IST1: variants seen among roughly 807,000 people sequenced by gnomAD.
IST1 encodes the protein IST1 homolog.
A neutral mutation model predicts 37.0 loss-of-function variants in IST1; 23 were observed. The observed-to-expected ratio is 0.62, with a 90% CI of 0.45 to 0.88. The LOEUF (loss-of-function observed/expected upper bound fraction) is 0.88. Ranked by LOEUF, IST1 falls within the 40% of genes least tolerant of loss-of-function variation. The pLI is 0.00. For missense variants in IST1, 488 were observed against 445.4 expected (o/e 1.10, Z -0.86); for synonymous variants, 180 against 161.7 (o/e 1.11, Z -0.86).
intron 1 of IST1, among the ~76,000 whole-genome samples, chr16:71,897,129 C>T (rs8063403): frequency 0.72 from 107,760 of 149,172 alleles, 39,607 homozygotes; most frequent in East Asian, 0.98. Context: ...TCCTCCCGCC[C>T]CAGCCTTGGG....
chr16:71,921,075 A>AG (rs1042714026), intron 5 of IST1: 3 of 603,388 alleles, frequency 5.0e-6, no homozygotes, highest in Non-Finnish European at 8.9e-6. Flanking sequence ...GTTGGAAGTG[A>AG]GGTGGGGAGA....
Position 71,930,171 on chromosome 16 carries a change from C to T in IST1, c.*2358C>T. 6.5e-7 allele frequency: 1 copy of T among 1,541,970 alleles called. No individual in the cohort carries two copies. Among genetic ancestry groups the T allele is most frequent in the African/African-American group, 1.4e-5 (1 of 72,418 alleles). Reference sequence around the variant, plus strand: ...ATCAGAAAGGTGCCCAGGACTGGGTCTAAAGCGAAAACCTGGGAAAACAAT... The same window carrying T: ...ATCAGAAAGGTGCCCAGGACTGGGTTTAAAGCGAAAACCTGGGAAAACAAT... On this transcript the variant is annotated 3_prime_UTR_variant, in exon 10 of 10. Transcript: ENST00000378799.
rs1690666807 is a variant in IST1 at position 71,926,132 on chromosome 16, A to G, written c.901+1315A>G. On this transcript the variant is annotated intron_variant, in intron 9 of 9. Coordinates refer to ENST00000378799, the MANE Select transcript of IST1 (RefSeq NM_001270975.2). ...CCCTGTCTCTACTAAAAATACACAA[A>G]TTAGCTGGGTGTGGTGGCAGGCGCC... Among the ~76,000 whole-genome samples, 4 of 151,762 alleles carry G rather than the reference A, an allele frequency of 2.6e-5. No individual in the cohort carries two copies. The South Asian group carries it at 8.3e-4, about 32-fold the overall frequency.
chr16:71,906,960 G>A (rs1440181872), intron 1 of IST1, among the ~76,000 whole-genome samples: 1 of 152,050 alleles, frequency 6.6e-6, no homozygotes, highest in Non-Finnish European at 1.5e-5. Context: ...AACCTGGAAG[G>A]CAGAAGTTGG....
At position 71,917,056 on chromosome 16, in the gene IST1, T is replaced by G. The variant is rs1470028159; in HGVS notation, c.279T>G (p.Asp93Glu). 2 of 1,600,486 alleles carry G rather than the reference T, an allele frequency of 1.2e-6. No homozygotes were observed. The highest frequency in any genetic ancestry group is 2.7e-5 in the African/African-American group (2 of 74,284). ...FGLIQSMKELDSGLAESVSTL... is the reference protein window; with the variant it reads ...FGLIQSMKELESGLAESVSTL... ...TTTTTTCCTTGATTAGGGAACTAGA[T>G]TCTGGTCTGGCTGAATCTGTGTCTA... Residue 93 changes from aspartate to glutamate, a missense_variant, in exon 4 of 10, where the codon GAT (aspartate) becomes GAG (glutamate). Asp to Glu is a conservative substitution (Grantham distance 45, BLOSUM62 2). Around this residue, in one of 2 missense-constraint regions of IST1, gnomAD observed 455 missense variants for 386.2 expected, o/e 1.18. Coordinates refer to ENST00000378799, the MANE Select transcript of IST1 (RefSeq NM_001270975.2).
chr16:71,897,235 T>C (rs371175001), intron 1 of IST1, among the ~76,000 whole-genome samples: 1 of 148,502 alleles, frequency 6.7e-6, no homozygotes, highest in East Asian at 2.1e-4. Context: ...TTGCCCAGAC[T>C]GGTCTTGAAC....
At chr16:71,902,476 G>C (rs1386917844) in intron 1 of IST1, among the ~76,000 whole-genome samples, 2 of 152,148 alleles carry the variant, frequency 1.3e-5, no homozygotes, top group African/African-American at 4.8e-5. Context: ...CACCATGTTG[G>C]CCAACCTGGT....
At chr16:71,906,002 CTTTTTT>C (rs35581900) in intron 1 of IST1, among the ~76,000 whole-genome samples, 1 of 127,770 alleles carries the variant, frequency 7.8e-6, no homozygotes, top group African/African-American at 2.9e-5. Context: ...TTAAGCAATT[CTTTTTT>C]TTTTTTTTTT....
Position 71,922,605 on chromosome 16 carries a change from G to C in IST1, c.684G>C (p.Val228=), listed in dbSNP as rs746789727. The change falls in exon 7 of 10, where the codon GTG becomes GTC. Residue 228 remains valine (V), a synonymous_variant. Transcript: ENST00000378799. ...TAPVGGPDGT[V]PMPMPMPMPM... ...CAGTTGGTGGACCTGATGGAACGGT[G>C]CCAATGCCCATGCCCATGCCCATGC... 1.0e-5 allele frequency: 16 copies of C among 1,595,004 alleles called. No homozygotes were observed. Among genetic ancestry groups the C allele is most frequent in the Middle Eastern group, 1.7e-4 (1 of 6,008 alleles).
At chr16:71,894,752 T>G (rs1020297086), upstream of IST1, 2 of 903,212 alleles carry the variant, frequency 2.2e-6, no homozygotes, top group African/African-American at 1.7e-5. Flanking sequence ...TCCAGGCTGG[T>G]CTGCAACTCC....
chr16:71,921,724 ACCT>A (rs2037589684), intron 6 of IST1: 3 of 352,148 alleles, frequency 8.5e-6, no homozygotes, highest in Non-Finnish European at 1.6e-5. Flanking sequence ...GAATTGAGAA[ACCT>A]CCTGTTCATA....
upstream of IST1, chr16:71,895,428 C>A (rs1384705976): frequency 3.9e-6 from 3 of 768,258 alleles, no homozygotes; most frequent in Non-Finnish European, 4.8e-6. Flanking sequence ...TGGGTCCCGG[C>A]AGCGGCGATC....
At chr16:71,894,706 T>TC, upstream of IST1, 1 of 580,700 alleles carries the variant, frequency 1.7e-6, no homozygotes, top group Non-Finnish European at 2.9e-6. Context: ...AACTTTTTTT[T>TC]TTTTTTTTTT....
At chr16:71,918,962 C>G (rs1017791210) in intron 4 of IST1, among the ~76,000 whole-genome samples, 2 of 152,208 alleles carry the variant, frequency 1.3e-5, no homozygotes, top group African/African-American at 4.8e-5. Context: ...ATGTTGGGAC[C>G]ACTCTGGTCC....
chr16:71,920,193 C>G (rs1254032006), intron 4 of IST1, among the ~76,000 whole-genome samples: 2 of 152,184 alleles, frequency 1.3e-5, no homozygotes, highest in Non-Finnish European at 2.9e-5. Flanking sequence ...TACTAACATT[C>G]CCAAATAAGG....
chr16:71,917,031 T>A lies in IST1; in HGVS notation c.270-16T>A. ...TTGTTTTAAAGAATGTTATATTAAT[T>A]TTTTTCCTTGATTAGGGAACTAGAT... is the stretch of plus-strand genomic sequence containing the variant. On this transcript the variant is annotated splice_polypyrimidine_tract_variant and intron_variant, in intron 3 of 9. Transcript: ENST00000378799. 1 of 1,560,580 alleles carries A rather than the reference T, an allele frequency of 6.4e-7. No individual in the cohort carries two copies. The highest frequency in any genetic ancestry group is 8.8e-7 in the Non-Finnish European group (1 of 1,142,150).
intron 1 of IST1, among the ~76,000 whole-genome samples, chr16:71,901,125 C>T (rs1441159778): frequency 6.6e-6 from 1 of 152,038 alleles, no homozygotes; most frequent in Non-Finnish European, 1.5e-5. Context: ...AATTAATGTT[C>T]CTAATCATAC....
chr16:71,930,142 G>T lies in IST1; in HGVS notation c.*2329G>T, dbSNP rs1200389227. On this transcript the variant is annotated 3_prime_UTR_variant, in exon 10 of 10. Transcript: ENST00000378799. ...CAAGTACCATCAAGATGACACTGGT[G>T]AGGATCAGAAAGGTGCCCAGGACTG... The T allele has an allele frequency of 1.3e-6, 2 of 1,551,666 alleles. No homozygotes were observed. Among genetic ancestry groups the T allele is most frequent in the Non-Finnish European group, 1.7e-6 (2 of 1,146,904 alleles).
Position 71,930,377 on chromosome 16 carries a change from G to T in IST1, c.*2564G>T. ...AAGAGCAGGAATGACTCATTTTAAG[G>T]AGGTTAAGATAATTGTGACTGCAGG... On this transcript the variant is annotated 3_prime_UTR_variant, in exon 10 of 10. Transcript: ENST00000378799. The T allele has an allele frequency of 2.1e-6, 1 of 465,588 alleles. No homozygotes were observed. The highest frequency in any genetic ancestry group is 7.9e-5 in the South Asian group (1 of 12,614). The allele number at this position is 465,588 out of a possible 1,614,324, so 28.8% of individuals were successfully genotyped here. A position where few individuals can be genotyped will look rare whatever the true frequency, so the allele number is the denominator to read the frequency against.
Sources: allele counts gnomAD v4.1 joint callset (sites outside exome capture counted in the v4.1 genomes callset), GRCh38; gene constraint gnomAD v4.1.1; regional missense constraint gnomAD v4.1.1; transcripts MANE v1.5; gene names NCBI Gene and HGNC (gene_info 2026-07-23, HGNC 2026-07-21).